HIPK3: variants seen among roughly 807,000 people sequenced by gnomAD.
HIPK3 encodes homeodomain interacting protein kinase 3.
A neutral mutation model predicts 124.2 loss-of-function variants in HIPK3; 47 were observed. That is an observed-to-expected ratio of 0.38 (90% CI 0.30 to 0.48). HIPK3 has a LOEUF of 0.48. Among genes scored for constraint, HIPK3 ranks in the 20% least tolerant of loss-of-function variants. The pLI, the probability that HIPK3 is intolerant of heterozygous loss-of-function variation, is 0.98. For missense variants in HIPK3, 1,286 were observed against 1,454.3 expected (o/e 0.88, Z 1.88); for synonymous variants, 482 against 515.2 (o/e 0.94, Z 0.87).
At chr11:33,258,305 G>C (rs1321179016) in intron 1 of HIPK3, 1 of 985,348 alleles carries the variant, frequency 1.0e-6, no homozygotes, top group Non-Finnish European at 1.2e-6. Context: ...GCAGTCCTAG[G>C]CCGTAACTAC....
At chr11:33,285,362 A>G (rs1033786689) in intron 1 of HIPK3, among the ~76,000 whole-genome samples, 2 of 152,174 alleles carry the variant, frequency 1.3e-5, no homozygotes, top group African/African-American at 2.4e-5. Context: ...AGGAATATCC[A>G]TATAATAAAG....
rs1335000665 is a variant in HIPK3, at chr11:33,279,095, C to T, written c.-2-7318C>T. ...TTGAGAGGCTGAGGTGGGTGGATGG[C>T]TTGAGGCTAGGAATTTGAGACCAAC... On this transcript the variant is annotated intron_variant, in intron 1 of 16. Transcript: ENST00000303296. 1.3e-4 allele frequency among the ~76,000 whole-genome samples: 20 copies of T among 152,032 alleles called. No individual in the cohort carries two copies. In the East Asian group the frequency reaches 1.7e-3, roughly 13 times the overall value.
intron 1 of HIPK3, among the ~76,000 whole-genome samples, chr11:33,264,722 C>G (rs1323700523): frequency 6.6e-6 from 1 of 151,984 alleles, no homozygotes; most frequent in Admixed American, 6.5e-5. Flanking sequence ...TTTAACTTCC[C>G]CCTACTTGGT....
chr11:33,341,455 C>A, intron 7 of HIPK3, 108 bp from the exon 8 acceptor site: 1 of 1,140,166 alleles, frequency 8.8e-7, no homozygotes, highest in Non-Finnish European at 1.2e-6. Context: ...TTTCTGGACA[C>A]ATTTTAATAG....
At position 33,337,173 on chromosome 11, in the gene HIPK3, T is replaced by C. The variant is rs1424731290; in HGVS notation, c.1320T>C (p.Ser440=). The C allele has an allele frequency of 6.5e-7, 1 of 1,547,326 alleles. No homozygotes were observed. Among genetic ancestry groups the C allele is most frequent in the Admixed American group, 1.8e-5 (1 of 56,844 alleles). Residue 440 remains serine (S), a synonymous_variant, in exon 4 of 17, where the codon TCT becomes TCC. Transcript: ENST00000303296. ...TTTTTTGCAAAGAAACAGATATGTC[T>C]CATTCTGGTTGGAGATTAAAGGTAA... is the stretch of plus-strand genomic sequence containing the variant. The part of the protein sequence containing the change: ...TRFFCKETDM[S]HSGWRLKTLE...
chr11:33,269,771 T>C (rs540539493), intron 1 of HIPK3, among the ~76,000 whole-genome samples: 7 of 152,124 alleles, frequency 4.6e-5, no homozygotes, highest in African/African-American at 1.4e-4. Flanking sequence ...TTTTTATTTA[T>C]AGTTTATGTA....
intron 2 of HIPK3, among the ~76,000 whole-genome samples, chr11:33,298,448 C>T (rs373071406): frequency 6.6e-6 from 1 of 152,150 alleles, no homozygotes; most frequent in African/African-American, 2.4e-5. Flanking sequence ...TTCTGCAGTC[C>T]CTGCATGCAT....
At chr11:33,352,654 T>C (rs1055845278) in intron 16 of HIPK3, among the ~76,000 whole-genome samples, 3 of 152,206 alleles carry the variant, frequency 2.0e-5, no homozygotes, top group African/African-American at 4.8e-5. Flanking sequence ...TTTTGCCATG[T>C]ACTATATATA....
Position 33,257,561 on chromosome 11 carries a change from C to T in HIPK3, c.-331C>T. On this transcript the variant is annotated 5_prime_UTR_variant, in exon 1 of 17. Coordinates refer to ENST00000303296, the MANE Select transcript of HIPK3 (RefSeq NM_005734.5). ...TGCGTCGCCCGTAGGCCCCAGTAGCCGGAGGCCGACCGGCCTCCCACTACC... is the reference window on the plus strand; with the variant it reads ...TGCGTCGCCCGTAGGCCCCAGTAGCTGGAGGCCGACCGGCCTCCCACTACC... 4.1e-6 allele frequency: 4 copies of T among 985,724 alleles called. No individual in the cohort carries two copies. The highest frequency in any genetic ancestry group is 4.8e-6 in the Non-Finnish European group (4 of 830,128). 61.1% of individuals were successfully genotyped at this position (985,724 alleles called of 1,614,324 possible).
At chr11:33,276,638 A>G (rs1000165945) in intron 1 of HIPK3, among the ~76,000 whole-genome samples, 5 of 152,160 alleles carry the variant, frequency 3.3e-5, no homozygotes, top group African/African-American at 9.7e-5. Context: ...GAAATAAGGT[A>G]TGGCTGATTG....
chr11:33,349,848 C>T (rs1035041366), intron 14 of HIPK3, among the ~76,000 whole-genome samples: 2 of 152,074 alleles, frequency 1.3e-5, no homozygotes, highest in East Asian at 3.9e-4. Context: ...CTCACCGCAG[C>T]CTCCGCCTCC....
intron 8 of HIPK3, among the ~76,000 whole-genome samples, chr11:33,342,102 C>CA (rs58073130): frequency 0.089 from 4,612 of 51,968 alleles, 220 homozygotes; most frequent in African/African-American, 0.12. Context: ...GACTCTGTCT[C>CA]AAAAAAAAAA....
chr11:33,279,276 C>A (rs978126703), intron 1 of HIPK3, among the ~76,000 whole-genome samples: 1 of 137,754 alleles, frequency 7.3e-6, no homozygotes. Context: ...GATCACGCTA[C>A]TGCACTCCAG....
At chr11:33,301,446 GTTGA>G (rs912569052) in intron 2 of HIPK3, among the ~76,000 whole-genome samples, 1 of 151,928 alleles carries the variant, frequency 6.6e-6, no homozygotes, top group African/African-American at 2.4e-5. Flanking sequence ...CCATGTCCTT[GTTGA>G]TTGATTGATT....
intron 1 of HIPK3, among the ~76,000 whole-genome samples, chr11:33,265,754 T>G (rs1590336610): frequency 1.0e-5 from 1 of 100,368 alleles, no homozygotes. Flanking sequence ...GCTTGAGTGA[T>G]GGAGTGAGAC....
At chr11:33,294,140 C>T (rs1197729645) in intron 2 of HIPK3, among the ~76,000 whole-genome samples, 11 of 136,622 alleles carry the variant, frequency 8.1e-5, no homozygotes, top group South Asian at 4.9e-4. Flanking sequence ...GGCAACAGAG[C>T]GAGACTCCAT....
At chr11:33,270,545 T>C (rs1851097649) in intron 1 of HIPK3, among the ~76,000 whole-genome samples, 1 of 152,228 alleles carries the variant, frequency 6.6e-6, no homozygotes. Flanking sequence ...GTAACAACTG[T>C]ATGAAACTGC....
chr11:33,338,031 C>T (rs1260385386), intron 4 of HIPK3, among the ~76,000 whole-genome samples: 2 of 152,106 alleles, frequency 1.3e-5, no homozygotes, highest in African/African-American at 2.4e-5. Context: ...TCTAATTCAG[C>T]AACATAATTA....
chr11:33,297,778 CTTTTTT>C (rs1015881408), intron 2 of HIPK3, among the ~76,000 whole-genome samples: 8 of 81,984 alleles, frequency 9.8e-5, no homozygotes, highest in South Asian at 4.4e-4. Context: ...AAAGAACAGG[CTTTTTT>C]TTTTTTTTTT....
Sources: gnomAD v4.1 joint callset for allele counts (sites outside exome capture counted in the v4.1 genomes callset) on GRCh38, gnomAD v4.1.1 for gene constraint, MANE v1.5 for transcripts, NCBI Gene and HGNC (gene_info 2026-07-23, HGNC 2026-07-21) for gene names.